RNF216: variants seen among roughly 807,000 people sequenced by gnomAD.
RNF216 encodes E3 ubiquitin-protein ligase RNF216.
RNF216 carries 72 observed loss-of-function variants against 110.8 expected under a neutral mutation model. The observed-to-expected ratio is 0.65, with a 90% CI of 0.54 to 0.79. RNF216 has a LOEUF of 0.79. Among genes scored for constraint, RNF216 ranks in the 30% least tolerant of loss-of-function variants. RNF216 has a pLI of 0.00. For missense variants in RNF216, 1,342 were observed against 1,141.2 expected, an observed-to-expected ratio of 1.18 and a Z score of -2.54; for synonymous variants, 495 against 407.5, an observed-to-expected ratio of 1.21 and a Z score of -2.59.
At chr7:5,683,156 C>T (rs1267676498) in intron 13 of RNF216, among the ~76,000 whole-genome samples, 6 of 152,008 alleles carry the variant, frequency 3.9e-5, no homozygotes, top group Admixed American at 2.0e-4. Context: ...AAAACAGACA[C>T]CAGACCACAA....
chr7:5,768,344 A>AACACACACACAC (rs1225522361), intron 1 of RNF216, among the ~76,000 whole-genome samples: 1 of 14,168 alleles, frequency 7.1e-5, no homozygotes, highest in African/African-American at 2.0e-4. Flanking sequence ...GAGGCAGGCA[A>AACACACACACAC]ATACACACAC....
intron 13 of RNF216, among the ~76,000 whole-genome samples, chr7:5,688,358 C>G (rs1057011312): frequency 1.3e-5 from 2 of 152,174 alleles, no homozygotes; most frequent in Admixed American, 1.3e-4. Flanking sequence ...TTCAGACAAA[C>G]CGCATGTCAA....
chr7:5,694,571 C>A (rs1042508218), intron 13 of RNF216, among the ~76,000 whole-genome samples: 2 of 152,172 alleles, frequency 1.3e-5, no homozygotes, highest in African/African-American at 4.8e-5. Flanking sequence ...TAAGTTTAAA[C>A]GACAAAACAA....
intron 5 of RNF216, among the ~76,000 whole-genome samples, chr7:5,734,636 C>A (rs1230140694): frequency 6.9e-6 from 1 of 145,926 alleles, no homozygotes; most frequent in Admixed American, 6.7e-5. Flanking sequence ...TAGAGTCTGT[C>A]GTTGAAAAAT....
chr7:5,761,988 A>G (rs545430474), intron 1 of RNF216, among the ~76,000 whole-genome samples: 2 of 152,332 alleles, frequency 1.3e-5, no homozygotes, highest in South Asian at 2.1e-4. Context: ...TATATCAGCT[A>G]AAGAAACCTC....
At chr7:5,676,757 A>C (rs762191947) in intron 13 of RNF216, among the ~76,000 whole-genome samples, 2 of 152,218 alleles carry the variant, frequency 1.3e-5, no homozygotes, top group African/African-American at 2.4e-5. Context: ...GAAAACTCCT[A>C]AACATACAGT....
At chr7:5,645,938 C>G (rs2128571431) in intron 14 of RNF216, among the ~76,000 whole-genome samples, 1 of 152,288 alleles carries the variant, frequency 6.6e-6, no homozygotes, top group South Asian at 2.1e-4. Context: ...ACACTGTGCT[C>G]CTGGTTTCCT....
intron 13 of RNF216, among the ~76,000 whole-genome samples, chr7:5,659,637 G>A (rs1248614579): frequency 1.3e-5 from 2 of 152,230 alleles, no homozygotes; most frequent in South Asian, 2.1e-4. Context: ...GTTTGCTGGG[G>A]TTGTAGGACC....
At chr7:5,707,718 G>GTTTTTT (rs35372254) in intron 13 of RNF216, among the ~76,000 whole-genome samples, 11 of 92,826 alleles carry the variant, frequency 1.2e-4, no homozygotes, top group Admixed American at 2.8e-4. Flanking sequence ...TGTGTGTGTG[G>GTTTTTT]TTTTTTTTTT....
intron 3 of RNF216, 78 bp from the exon 4 acceptor site, chr7:5,741,893 G>A (rs987525428): frequency 1.0e-5 from 15 of 1,458,682 alleles, no homozygotes; most frequent in African/African-American, 8.5e-5. Flanking sequence ...TTGAGCTTCC[G>A]AGATAGGACA....
At chr7:5,716,686 C>T (rs765826331) in intron 10 of RNF216, 30 bp downstream of exon 10, 4 of 1,549,334 alleles carry the variant, frequency 2.6e-6, no homozygotes, top group Non-Finnish European at 3.5e-6. Flanking sequence ...TGAAAATGCC[C>T]AGAATAAACA....
At chr7:5,693,159 G>A (rs186234135) in intron 13 of RNF216, among the ~76,000 whole-genome samples, 2 of 152,296 alleles carry the variant, frequency 1.3e-5, no homozygotes, top group Admixed American at 1.3e-4. Context: ...CTGGCCCTCT[G>A]CCAATTTTTG....
chr7:5,706,286 T>G (rs150843286), intron 13 of RNF216, among the ~76,000 whole-genome samples: 65 of 152,216 alleles, frequency 4.3e-4, no homozygotes, highest in African/African-American at 1.5e-3. Context: ...TAACACATTT[T>G]TAAGTGTACA....
At chr7:5,673,920 G>A (rs958101361) in intron 13 of RNF216, among the ~76,000 whole-genome samples, 2 of 149,568 alleles carry the variant, frequency 1.3e-5, no homozygotes, top group Admixed American at 1.3e-4. Context: ...GTGTGCACTG[G>A]CATGATCTCT....
chr7:5,720,821 T>C (rs1232282168), intron 9 of RNF216, among the ~76,000 whole-genome samples: 1 of 152,214 alleles, frequency 6.6e-6, no homozygotes, highest in Non-Finnish European at 1.5e-5. Flanking sequence ...TAAGCTCCAA[T>C]TAAAATTTTC....
chr7:5,628,183 G>A (rs1157061811), intron 15 of RNF216, among the ~76,000 whole-genome samples: 1 of 152,032 alleles, frequency 6.6e-6, no homozygotes, highest in Non-Finnish European at 1.5e-5. Context: ...CCCTCCCTCT[G>A]CTCTGATCAC....
intron 14 of RNF216, 43 bp from the exon 15 acceptor site, chr7:5,641,419 G>C (rs1230037167): frequency 4.6e-6 from 7 of 1,519,798 alleles, no homozygotes; most frequent in Non-Finnish European, 6.3e-6. Context: ...GGGAAGATGA[G>C]GAGGAAAAAA....
intron 13 of RNF216, among the ~76,000 whole-genome samples, chr7:5,709,411 A>C (rs1584488923): frequency 6.6e-6 from 1 of 152,276 alleles, no homozygotes; most frequent in African/African-American, 2.4e-5. Context: ...TGGATTTCTC[A>C]CAGAGAGAAA....
At chr7:5,640,048 C>T (rs140419167) in intron 15 of RNF216, among the ~76,000 whole-genome samples, 3,675 of 151,744 alleles carry the variant, frequency 0.024, 118 homozygotes, top group African/African-American at 0.072. Flanking sequence ...CGTGAGCCAC[C>T]GCGCCCGGCC....
Sources: gnomAD v4.1 joint callset for allele counts (sites outside exome capture counted in the v4.1 genomes callset) on GRCh38, gnomAD v4.1.1 for gene constraint, MANE v1.5 for transcripts, NCBI Gene and HGNC (gene_info 2026-07-23, HGNC 2026-07-21) for gene names.